Variants in PLAGL1 observed in about 807,000 individuals in gnomAD.
PLAGL1 encodes the protein PLAG1 like zinc finger 1, also known as zinc finger protein PLAGL1.
Under a neutral mutation model 4.6 loss-of-function variants are expected in PLAGL1, and 1 was observed. The ratio of observed to expected loss-of-function variants is 0.22; its 90% confidence interval spans 0.08 to 1.03. The LOEUF (loss-of-function observed/expected upper bound fraction) is 1.03, where lower values mean the gene tolerates loss of function less well. Ranked by LOEUF, PLAGL1 falls within the 50% of genes least tolerant of loss-of-function variation. PLAGL1 has a pLI of 0.58. For synonymous variants in PLAGL1, 240 were observed against 237.8 expected (o/e 1.01, Z -0.08); for missense variants, 464 against 570.4 (o/e 0.81, Z 1.90).
chr6:143,969,043 C>G (rs1269103299), intron 2 of PLAGL1, 65 bp from the exon 3 acceptor site: 5 of 151,318 alleles, frequency 3.3e-5, no homozygotes, highest in African/African-American at 7.3e-5. Flanking sequence ...CACATTGGTA[C>G]TATGAATGCT....
At chr6:144,017,973 T>C (rs947719839) in intron 1 of PLAGL1, among the ~76,000 whole-genome samples, 1 of 152,212 alleles carries the variant, frequency 6.6e-6, no homozygotes. Context: ...ATTGTAATCA[T>C]TTTCTCACCA....
chr6:144,010,024 G>A (rs986663481), upstream of PLAGL1, among the ~76,000 whole-genome samples: 2 of 152,044 alleles, frequency 1.3e-5, no homozygotes, highest in African/African-American at 4.8e-5. This position sits in a 1 kb window ranked among gnomAD's most constrained non-coding sequence, Gnocchi z 4.1. Context: ...AATTCTTTGG[G>A]TATATACCCA....
At chr6:144,008,839 A>G (rs977913154), upstream of PLAGL1, 4 of 152,262 alleles carry the variant, frequency 2.6e-5, no homozygotes, top group Non-Finnish European at 5.9e-5. This position sits in a 1 kb window ranked among gnomAD's most constrained non-coding sequence, Gnocchi z 6.9. Flanking sequence ...TAATCCTCAC[A>G]GCAACACTGG....
chr6:144,018,266 A>G (rs1047655958), intron 1 of PLAGL1, among the ~76,000 whole-genome samples: 2 of 152,236 alleles, frequency 1.3e-5, no homozygotes, highest in Admixed American at 1.3e-4. Context: ...GTTAAGTGAA[A>G]TAAGTCAGAC....
intron 1 of PLAGL1, among the ~76,000 whole-genome samples, chr6:143,986,997 G>C (rs765379601): frequency 6.6e-6 from 1 of 152,146 alleles, no homozygotes; most frequent in African/African-American, 2.4e-5. Context: ...TCTTCCACAG[G>C]AAGATACATG....
chr6:144,013,305 T>C (rs1484645381), upstream of PLAGL1, among the ~76,000 whole-genome samples: 1 of 152,050 alleles, frequency 6.6e-6, no homozygotes, highest in Non-Finnish European at 1.5e-5. This position sits in a 1 kb window ranked among gnomAD's most constrained non-coding sequence, Gnocchi z 4.4. Context: ...GGGCTAAAAT[T>C]AATACCACAT....
Position 144,059,058 on chromosome 6 carries a change from T to C in PLAGL1, c.-151+5410A>G, listed in dbSNP as rs1354749130. Among the ~76,000 whole-genome samples, 1 of 152,220 alleles carries C rather than the reference T, an allele frequency of 6.6e-6. No individual in the cohort carries two copies. The highest frequency in any genetic ancestry group is 1.5e-5 in the Non-Finnish European group (1 of 68,040). ...TACATTGCCCTACTAGAGTTTCTCT[T>C]CAGGGTCTCCACCCCTACAGCAGGC... On this transcript the variant is annotated intron_variant, in intron 1 of 3. Transcript: ENST00000437412. The surrounding 1 kb of genome is among the most constrained non-coding windows in gnomAD (Gnocchi z 4.9).
rs146786266 is a variant in PLAGL1 at position 144,025,498 on chromosome 6, G to A, written c.-151+38970C>T. 2.0e-4 allele frequency among the ~76,000 whole-genome samples: 30 copies of A among 152,268 alleles called. No homozygotes were observed. In the East Asian group the frequency reaches 4.6e-3, roughly 24 times the overall value. On this transcript the variant is annotated intron_variant, in intron 1 of 3. Coordinates refer to the PLAGL1 transcript ENST00000437412. ...ATAGAAATGTAAGATGTTAATGCTCGGGGAAACTGGGTGCTAGGTATCTAG... is the reference window on the plus strand; with the variant it reads ...ATAGAAATGTAAGATGTTAATGCTCAGGGAAACTGGGTGCTAGGTATCTAG...
rs1478451310 is a variant in PLAGL1, at chr6:143,949,045, TG to T, written c.-324-586del. The stretch of plus-strand genomic sequence containing the variant: ...GTGCATGAAGCTAGTCTAGTCTAGT[TG>T]CACTGATGTGGTGGCACAAAGCTGA... On this transcript the variant is annotated intron_variant, in intron 6 of 7. Coordinates refer to ENST00000674357, the MANE Select transcript of PLAGL1 (RefSeq NM_001317162.2). The surrounding 1 kb of genome is among the most constrained non-coding windows in gnomAD (Gnocchi z 5.3). Among the ~76,000 whole-genome samples, 4 of 152,230 alleles carry T rather than the reference TG, an allele frequency of 2.6e-5. No homozygotes were observed. The highest frequency in any genetic ancestry group is 9.6e-5 in the African/African-American group (4 of 41,466).
chr6:143,982,975 A>G lies in PLAGL1; in HGVS notation c.-544+2160T>C, dbSNP rs1360474137. On this transcript the variant is annotated intron_variant, in intron 2 of 7. Transcript: ENST00000674357. The surrounding 1 kb of genome is among the most constrained non-coding windows in gnomAD (Gnocchi z 5.3). ...GAGACAATTTAGTAGCTGCCAGCATATATGTATTTAAAGCCATAAAAATGA... is the reference window on the plus strand; with the variant it reads ...GAGACAATTTAGTAGCTGCCAGCATGTATGTATTTAAAGCCATAAAAATGA... Among the ~76,000 whole-genome samples the G allele has an allele frequency of 6.6e-6, 1 of 152,212 alleles. No individual in the cohort carries two copies. Among genetic ancestry groups the G allele is most frequent in the Non-Finnish European group, 1.5e-5 (1 of 68,030 alleles).
chr6:144,033,216 GA>G (rs1402244548), intron 1 of PLAGL1, among the ~76,000 whole-genome samples: 2 of 152,208 alleles, frequency 1.3e-5, no homozygotes, highest in Non-Finnish European at 2.9e-5. Context: ...CTAAAGCCTG[GA>G]ATATACAAAG....
chr6:143,980,360 T>C (rs914335466), intron 2 of PLAGL1, among the ~76,000 whole-genome samples: 1 of 151,362 alleles, frequency 6.6e-6, no homozygotes, highest in Non-Finnish European at 1.5e-5. Context: ...GTCCCACAGC[T>C]CACTGATGTG....
rs574462917 is a variant in PLAGL1, at chr6:143,945,129, A to G, written c.153-2466T>C. ...TTCTTTCCCTTTTAATTTATCCCTTACTTACTCAACAATCCTGATCTAGAA... is the reference window on the plus strand; with the variant it reads ...TTCTTTCCCTTTTAATTTATCCCTTGCTTACTCAACAATCCTGATCTAGAA... On this transcript the variant is annotated intron_variant, in intron 7 of 7. Coordinates refer to ENST00000674357, the MANE Select transcript of PLAGL1 (RefSeq NM_001317162.2). The surrounding 1 kb of genome is among the most constrained non-coding windows in gnomAD (Gnocchi z 4.2). Among the ~76,000 whole-genome samples the G allele has an allele frequency of 2.6e-5, 4 of 152,182 alleles. No homozygotes were observed. The highest frequency in any genetic ancestry group is 2.0e-4 in the Admixed American group (3 of 15,298).
In PLAGL1 at chr6:144,024,325, T is replaced by C. The variant is rs183471949; in HGVS notation, c.-151+40143A>G. Among the ~76,000 whole-genome samples the C allele has an allele frequency of 1.8e-4, 28 of 152,300 alleles. No individual in the cohort carries two copies. In the East Asian group the frequency reaches 5.4e-3, roughly 29 times the overall value. On this transcript the variant is annotated intron_variant, in intron 1 of 3. Coordinates refer to the PLAGL1 transcript ENST00000437412. ...AGGGAATATACAAGATGTACCTTGA[T>C]GATATGGTTTGGCTGTGTCCCCACC...
chr6:144,052,002 C>T (rs1371125109), intron 1 of PLAGL1, among the ~76,000 whole-genome samples: 1 of 152,244 alleles, frequency 6.6e-6, no homozygotes, highest in Non-Finnish European at 1.5e-5. Flanking sequence ...TACCTTACCA[C>T]TCATGATGCA....
At chr6:144,058,759 T>C (rs1356812764) in intron 1 of PLAGL1, among the ~76,000 whole-genome samples, 2 of 152,194 alleles carry the variant, frequency 1.3e-5, no homozygotes, top group East Asian at 3.8e-4. Flanking sequence ...ATTATCTTTT[T>C]TGACTCCATG....
chr6:143,996,503 A>G (rs1377321501), intron 1 of PLAGL1, among the ~76,000 whole-genome samples: 1 of 152,178 alleles, frequency 6.6e-6, no homozygotes, highest in South Asian at 2.1e-4. Context: ...ACATTTTCCA[A>G]TGTCCCTTGA....
In PLAGL1 at chr6:143,940,764, C is replaced by A. The variant is rs1778412803; in HGVS notation, c.*660G>T. 1.3e-5 allele frequency: 2 copies of A among 149,398 alleles called. No homozygotes were observed. The allele number at this position is 149,398 out of a possible 1,614,324, so 9.3% of individuals were successfully genotyped here. On this transcript the variant is annotated 3_prime_UTR_variant, in exon 8 of 8. Transcript: ENST00000674357. ...TTTTTCTGTCAGATGTAACTGACAA[C>A]CAGTTTAGTCTTTCTTTAAGATAAA...
Position 143,961,595 on chromosome 6 carries a change from G to A in PLAGL1, c.-398-1053C>T, listed in dbSNP as rs1159277176. 6.6e-6 allele frequency among the ~76,000 whole-genome samples: 1 copy of A among 152,170 alleles called. No individual in the cohort carries two copies. The highest frequency in any genetic ancestry group is 1.9e-4 in the East Asian group (1 of 5,208). ...GCAGGTTATTTGCCTGAGTCATTTA[G>A]GGAAATTGTTTCCAACATATTCCTT... On this transcript the variant is annotated intron_variant, in intron 5 of 7. Transcript: ENST00000674357. The surrounding 1 kb of genome is among the most constrained non-coding windows in gnomAD (Gnocchi z 6.5).
Sources: gnomAD v4.1 joint callset for allele counts (sites outside exome capture counted in the v4.1 genomes callset) on GRCh38, gnomAD v4.1.1 for gene constraint, Gnocchi (gnomAD v3.1) non-coding constraint, MANE v1.5 for transcripts, NCBI Gene and HGNC (gene_info 2026-07-23, HGNC 2026-07-21) for gene names.